Variants in SGCD observed in about 807,000 individuals in gnomAD.
The protein encoded by SGCD is sarcoglycan delta.
Under a neutral mutation model 36.6 loss-of-function variants are expected in SGCD, and 18 were observed. The ratio of observed to expected loss-of-function variants is 0.49; its 90% CI spans 0.34 to 0.73. SGCD has a LOEUF of 0.73. Ranked by LOEUF, SGCD falls within the 30% of genes least tolerant of loss-of-function variation. The pLI is 0.01. For synonymous variants in SGCD, 133 were observed against 130.6 expected (o/e 1.02, Z -0.12); for missense variants, 387 against 346.7 (o/e 1.12, Z -0.92).
chr5:156,369,316 G>A (rs2127738432), intron 3 of SGCD, among the ~76,000 whole-genome samples: 1 of 152,226 alleles, frequency 6.6e-6, no homozygotes, highest in African/African-American at 2.4e-5. Context: ...GGAATTTGGG[G>A]GCTTTGGATT....
chr5:156,627,581 A>G (rs114051521), intron 6 of SGCD, among the ~76,000 whole-genome samples: 2,482 of 152,228 alleles, frequency 0.016, 69 homozygotes, highest in African/African-American at 0.056. Context: ...CTCACCTCTT[A>G]TTTAGTCTTC....
intron 7 of SGCD, among the ~76,000 whole-genome samples, chr5:156,707,599 T>A (rs1184664330): frequency 6.6e-6 from 1 of 152,168 alleles, no homozygotes; most frequent in African/African-American, 2.4e-5. Context: ...AACTAGTCTG[T>A]ATATTTTTAA....
intron 3 of SGCD, among the ~76,000 whole-genome samples, chr5:156,226,998 T>C (rs1027875649): frequency 6.6e-6 from 1 of 152,068 alleles, no homozygotes; most frequent in African/African-American, 2.4e-5. Flanking sequence ...CTAGATATTA[T>C]TCCTTTGTCA....
the SGCD span, among the ~76,000 whole-genome samples, chr5:155,845,089 A>G: frequency 6.6e-6 from 1 of 152,092 alleles, no homozygotes; most frequent in East Asian, 1.9e-4. Context: ...ATGTGTTCCC[A>G]TTGTTCAACT....
At chr5:156,679,877 C>G (rs919822811) in intron 7 of SGCD, among the ~76,000 whole-genome samples, 2 of 152,230 alleles carry the variant, frequency 1.3e-5, no homozygotes, top group Non-Finnish European at 1.5e-5. Context: ...ACTCAAGTGA[C>G]TATAGACTAA....
chr5:156,239,530 C>T (rs1372379074), intron 3 of SGCD, among the ~76,000 whole-genome samples: 3 of 151,694 alleles, frequency 2.0e-5, no homozygotes, highest in African/African-American at 7.3e-5. Flanking sequence ...CTGTCTCACA[C>T]ATCCACTTTA....
At chr5:156,620,124 C>G (rs1762185573) in intron 6 of SGCD, among the ~76,000 whole-genome samples, 1 of 152,180 alleles carries the variant, frequency 6.6e-6, no homozygotes, top group African/African-American at 2.4e-5. Context: ...ACTCCTGGCT[C>G]TAATGGTACA....
At position 155,984,097 on chromosome 5, in the gene SGCD, T is replaced by C. The variant is rs763733232; in HGVS notation, c.-282+113673T>C. ...GACCTTGTTGGCTTAATCATAACCA[T>C]GATTATTTGCATTTGCGAAACATTT... On this transcript the variant is annotated intron_variant, in intron 1 of 9. Transcript: ENST00000517913. 1.9e-3 allele frequency among the ~76,000 whole-genome samples: 296 copies of C among 152,320 alleles called. 2 individuals are homozygous for C. The highest frequency in any genetic ancestry group is 7.9e-4 in the Non-Finnish European group (54 of 68,038).
chr5:156,375,807 T>A (rs1407496644), intron 3 of SGCD, among the ~76,000 whole-genome samples: 1 of 152,214 alleles, frequency 6.6e-6, no homozygotes, highest in Non-Finnish European at 1.5e-5. Context: ...TAGCGCATCC[T>A]ACTGAAGCCC....
chr5:156,303,234 G>A (rs1219185097), intron 3 of SGCD, among the ~76,000 whole-genome samples: 2 of 152,090 alleles, frequency 1.3e-5, no homozygotes, highest in African/African-American at 4.8e-5. Context: ...CATAAGCAGA[G>A]GAGTCCCTTC....
chr5:156,370,800 G>T (rs186748629), intron 3 of SGCD, among the ~76,000 whole-genome samples: 49 of 152,216 alleles, frequency 3.2e-4, no homozygotes, highest in African/African-American at 9.6e-4. Flanking sequence ...GTAGAGGGGA[G>T]ATTTTGAGGA....
At chr5:155,972,918 T>G (rs1282824637) in intron 1 of SGCD, among the ~76,000 whole-genome samples, 1 of 152,192 alleles carries the variant, frequency 6.6e-6, no homozygotes, top group East Asian at 1.9e-4. Flanking sequence ...TTGTTTTTCT[T>G]CAGATGAAAC....
chr5:155,731,900 C>A, the SGCD span, among the ~76,000 whole-genome samples: 1 of 151,870 alleles, frequency 6.6e-6, no homozygotes. Flanking sequence ...GGTATAGCAC[C>A]CTTCTCTAAT....
chr5:156,558,146 C>A (rs1320537533), intron 4 of SGCD, among the ~76,000 whole-genome samples: 1 of 130,470 alleles, frequency 7.7e-6, no homozygotes, highest in Admixed American at 8.1e-5. Context: ...CTTTTAAAGG[C>A]AGTTTGAGAT....
chr5:156,362,823 T>C, intron 3 of SGCD, among the ~76,000 whole-genome samples: 1 of 152,186 alleles, frequency 6.6e-6, no homozygotes, highest in East Asian at 1.9e-4. Context: ...ACATTGTAAA[T>C]GGACTCCACT....
intron 3 of SGCD, among the ~76,000 whole-genome samples, chr5:156,309,938 ATT>A (rs1405890304): frequency 6.6e-6 from 1 of 152,070 alleles, no homozygotes; most frequent in Non-Finnish European, 1.5e-5. Flanking sequence ...ATGTCGTATA[ATT>A]TTTTGTTGAA....
At chr5:155,879,202 C>G (rs755966822) in intron 1 of SGCD, among the ~76,000 whole-genome samples, 4 of 152,130 alleles carry the variant, frequency 2.6e-5, no homozygotes, top group Non-Finnish European at 5.9e-5. Context: ...TTCTAAGCAT[C>G]AAATGTCCTA....
At chr5:156,480,324 C>T (rs532453001) in intron 3 of SGCD, among the ~76,000 whole-genome samples, 1 of 152,176 alleles carries the variant, frequency 6.6e-6, no homozygotes, top group Admixed American at 6.5e-5. Context: ...TGCTCTGTTT[C>T]GTTGGATTCT....
the SGCD span, among the ~76,000 whole-genome samples, chr5:155,860,668 A>G: frequency 6.6e-6 from 1 of 152,214 alleles, no homozygotes; most frequent in Admixed American, 6.5e-5. Context: ...TACCTTGCAA[A>G]GTATTCTTGA....
Sources: gnomAD v4.1 joint callset for allele counts (sites outside exome capture counted in the v4.1 genomes callset) on GRCh38, gnomAD v4.1.1 for gene constraint, MANE v1.5 for transcripts, NCBI Gene and HGNC (gene_info 2026-07-23, HGNC 2026-07-21) for gene names.